The following FBXW11 variants were observed in gnomAD, a reference collection of about 807,000 sequenced individuals.
FBXW11 encodes F-box and WD repeat domain containing 11, also known as F-box/WD repeat-containing protein 11.
FBXW11 carries 19 observed loss-of-function variants against 77.6 expected under a neutral mutation model. The observed-to-expected ratio is 0.24, with a 90% CI of 0.17 to 0.36. FBXW11 has a LOEUF of 0.36. Among genes scored for constraint, FBXW11 ranks in the 10% least tolerant of loss-of-function variants. The pLI, the probability that FBXW11 is intolerant of heterozygous loss-of-function variation, is 1.00. For missense variants in FBXW11, 334 were observed against 704.2 expected (o/e 0.47, Z 5.95); for synonymous variants, 235 against 249.4 (o/e 0.94, Z 0.54).
chr5:171,998,836 A>G (rs1226875315), intron 1 of FBXW11, among the ~76,000 whole-genome samples: 4 of 151,610 alleles, frequency 2.6e-5, no homozygotes, highest in Admixed American at 6.6e-5. Context: ...AAGACATACT[A>G]TAATGGTACT....
Position 171,893,986 on chromosome 5 carries a change from T to TG in FBXW11, c.715-2383dup, listed in dbSNP as rs1360412595. ...AATTATTTTAATTTAAAAGAGGGGA[T>TG]GGGGGGGAATCTCTATACCAAAAAG... On this transcript the variant is annotated intron_variant, in intron 6 of 13. Transcript: ENST00000517395. Among the ~76,000 whole-genome samples, 8 of 146,886 alleles carry TG rather than the reference T, an allele frequency of 5.4e-5. No homozygotes were observed. The South Asian group carries it at 1.4e-3, about 25-fold the overall frequency.
chr5:171,957,009 G>A (rs748082343), intron 2 of FBXW11, among the ~76,000 whole-genome samples: 12 of 152,248 alleles, frequency 7.9e-5, no homozygotes, highest in Admixed American at 2.0e-4. Flanking sequence ...ATTCTCTGCC[G>A]GCCTCGGCCT....
At chr5:171,935,066 G>A (rs1020843498) in intron 2 of FBXW11, among the ~76,000 whole-genome samples, 2 of 152,086 alleles carry the variant, frequency 1.3e-5, no homozygotes, top group South Asian at 2.1e-4. Context: ...CTATTCTCCC[G>A]CCTCAGACTC....
At chr5:171,982,435 C>G (rs1481823794) in intron 1 of FBXW11, among the ~76,000 whole-genome samples, 1 of 152,126 alleles carries the variant, frequency 6.6e-6, no homozygotes, top group Non-Finnish European at 1.5e-5. Context: ...CACCACCACC[C>G]AGCTAATTTT....
chr5:172,005,748 G>A (rs1307792546), intron 1 of FBXW11, among the ~76,000 whole-genome samples: 1 of 152,062 alleles, frequency 6.6e-6, no homozygotes, highest in East Asian at 1.9e-4. Flanking sequence ...TCTGGAAAAC[G>A]TGAAGTTGCG....
chr5:171,927,963 A>G (rs1394295911), intron 2 of FBXW11, among the ~76,000 whole-genome samples: 11 of 152,192 alleles, frequency 7.2e-5, no homozygotes, highest in Admixed American at 7.2e-4. Context: ...GTCAATTCTT[A>G]TTCCTCCTAT....
chr5:171,919,930 C>T (rs1276707533), intron 2 of FBXW11, among the ~76,000 whole-genome samples: 2 of 151,962 alleles, frequency 1.3e-5, no homozygotes, highest in African/African-American at 4.8e-5. Context: ...CTGAAGTGGG[C>T]GGATCACTTG....
At chr5:171,910,061 CTTTTTTTTTTTTT>C (rs3087180) in intron 4 of FBXW11, among the ~76,000 whole-genome samples, 1 of 92,530 alleles carries the variant, frequency 1.1e-5, no homozygotes, top group African/African-American at 3.9e-5. Flanking sequence ...ATAATGAACA[CTTTTTTTTTTTTT>C]TTTTTTTTGA....
At chr5:171,992,882 G>A (rs1765828979) in intron 1 of FBXW11, among the ~76,000 whole-genome samples, 1 of 151,766 alleles carries the variant, frequency 6.6e-6, no homozygotes, top group Non-Finnish European at 1.5e-5. Context: ...TTAATATAAA[G>A]AGGCCACAAG....
At chr5:171,958,058 CTA>C (rs931487800) in intron 1 of FBXW11, among the ~76,000 whole-genome samples, 9 of 152,184 alleles carry the variant, frequency 5.9e-5, no homozygotes, top group Non-Finnish European at 1.2e-4. Context: ...AGTTTCTCGT[CTA>C]TGTCACATAA....
intron 7 of FBXW11, among the ~76,000 whole-genome samples, chr5:171,879,344 ATC>A (rs1217837242): frequency 6.6e-6 from 1 of 152,158 alleles, no homozygotes; most frequent in Non-Finnish European, 1.5e-5. Flanking sequence ...CAGTTTATTT[ATC>A]CATTCACCTA....
At chr5:171,866,197 G>A (rs1220388186) in intron 13 of FBXW11, among the ~76,000 whole-genome samples, 1 of 151,916 alleles carries the variant, frequency 6.6e-6, no homozygotes, top group South Asian at 2.1e-4. Context: ...CCTGGGAGGC[G>A]GAGGTTGCAG....
intron 2 of FBXW11, among the ~76,000 whole-genome samples, chr5:171,919,450 C>T (rs1336865626): frequency 1.3e-5 from 2 of 152,170 alleles, no homozygotes; most frequent in Non-Finnish European, 1.5e-5. Context: ...AATACTCTAA[C>T]GCCTGTTCCT....
At chr5:171,892,204 G>A (rs543306301) in intron 6 of FBXW11, among the ~76,000 whole-genome samples, 1 of 152,258 alleles carries the variant, frequency 6.6e-6, no homozygotes, top group South Asian at 2.1e-4. Flanking sequence ...AGGCACTGAG[G>A]ATAAAAAGAT....
chr5:171,912,419 A>G (rs1282867550), intron 3 of FBXW11, among the ~76,000 whole-genome samples: 1 of 152,224 alleles, frequency 6.6e-6, no homozygotes, highest in Non-Finnish European at 1.5e-5. Context: ...TTCAAAACAG[A>G]GATGAAAAGT....
At position 171,927,556 on chromosome 5, in the gene FBXW11, T is replaced by C. The variant is rs559458643; in HGVS notation, c.148-13151A>G. Among the ~76,000 whole-genome samples the C allele has an allele frequency of 4.6e-5, 7 of 152,328 alleles. No individual in the cohort carries two copies. In the South Asian group the frequency reaches 1.4e-3, roughly 32 times the overall value. On this transcript the variant is annotated intron_variant, in intron 2 of 13. Coordinates refer to ENST00000517395, the MANE Select transcript of FBXW11 (RefSeq NM_001378974.1). ...CAACCAAAATACTGCCACCTAGGGATGACCACTGGACCATTTTGGTACACA... is the reference window on the plus strand; with the variant it reads ...CAACCAAAATACTGCCACCTAGGGACGACCACTGGACCATTTTGGTACACA...
chr5:171,879,484 T>C (rs186472274), intron 7 of FBXW11, among the ~76,000 whole-genome samples: 46 of 152,390 alleles, frequency 3.0e-4, no homozygotes, highest in African/African-American at 1.1e-3. Context: ...GTGGTATATA[T>C]GGTAAAAGTA....
intron 6 of FBXW11, among the ~76,000 whole-genome samples, 170 bp downstream of exon 6, chr5:171,898,834 G>T (rs1307600166): frequency 1.3e-5 from 2 of 152,110 alleles, no homozygotes; most frequent in Non-Finnish European, 2.9e-5. Context: ...TATTTTCTCT[G>T]CAGAATAGCT....
intron 6 of FBXW11, among the ~76,000 whole-genome samples, chr5:171,898,486 T>G (rs1759901254): frequency 6.6e-6 from 1 of 152,254 alleles, no homozygotes; most frequent in Non-Finnish European, 1.5e-5. Context: ...TACAGAGTTT[T>G]ACTGGTCTGG....
Sources: gnomAD v4.1 joint callset for allele counts (sites outside exome capture counted in the v4.1 genomes callset) on GRCh38, gnomAD v4.1.1 for gene constraint, MANE v1.5 for transcripts, NCBI Gene and HGNC (gene_info 2026-07-23, HGNC 2026-07-21) for gene names.